The following XKR6 variants were observed in gnomAD, a reference collection of about 807,000 sequenced individuals.
XKR6 encodes the protein XK related 6.
XKR6 carries 22 observed loss-of-function variants against 56.7 expected under a neutral mutation model. The observed-to-expected ratio is 0.39, with a 90% CI of 0.28 to 0.55. XKR6 has a LOEUF of 0.55. Ranked by LOEUF, XKR6 falls within the 20% of genes least tolerant of loss-of-function variation. The probability of loss-of-function intolerance (pLI) is 0.66; values close to 1 mark genes in which losing one functional copy is unlikely to be tolerated. For synonymous variants in XKR6, 524 were observed against 387.8 expected (o/e 1.35, Z -4.13); for missense variants, 852 against 889.0 (o/e 0.96, Z 0.53).
intron 1 of XKR6, chr8:11,138,561 G>C (rs1019512651): frequency 6.6e-5 from 10 of 152,098 alleles, no homozygotes; most frequent in African/African-American, 2.4e-4. Flanking sequence ...TAATTAAGTG[G>C]AGAAACCATT....
chr8:11,054,809 G>T (rs539040994), intron 1 of XKR6, among the ~76,000 whole-genome samples: 20 of 152,176 alleles, frequency 1.3e-4, no homozygotes, highest in African/African-American at 4.8e-4. Context: ...GTGCTCACTG[G>T]GGCCCTGGGA....
chr8:11,069,768 A>G (rs1021825581), intron 1 of XKR6, among the ~76,000 whole-genome samples: 3 of 152,202 alleles, frequency 2.0e-5, no homozygotes, highest in Admixed American at 6.5e-5. Context: ...CCTTCAGTGC[A>G]CTACTGTGCA....
intron 1 of XKR6, among the ~76,000 whole-genome samples, chr8:11,177,509 A>G (rs1171013824): frequency 1.3e-5 from 2 of 152,248 alleles, no homozygotes; most frequent in Non-Finnish European, 2.9e-5. Flanking sequence ...CCAAAAATTC[A>G]GAACATGACC....
At chr8:11,071,735 T>A (rs949487561) in intron 1 of XKR6, among the ~76,000 whole-genome samples, 1 of 152,120 alleles carries the variant, frequency 6.6e-6, no homozygotes, top group Admixed American at 6.5e-5. Context: ...TTGTTTGTTA[T>A]GATGGTCTTA....
chr8:10,950,933 C>T (rs115203457), intron 1 of XKR6, among the ~76,000 whole-genome samples: 145 of 152,312 alleles, frequency 9.5e-4, no homozygotes, highest in African/African-American at 1.3e-3. Context: ...GGTGCAGAGA[C>T]GGCGAGTTAC....
chr8:10,978,531 G>A (rs1430142772), intron 1 of XKR6, among the ~76,000 whole-genome samples: 1 of 152,180 alleles, frequency 6.6e-6, no homozygotes, highest in Non-Finnish European at 1.5e-5. Context: ...TATCACTTGG[G>A]CTTTTTATTA....
intron 1 of XKR6, among the ~76,000 whole-genome samples, chr8:11,025,050 G>A (rs1051583751): frequency 6.6e-6 from 1 of 152,236 alleles, no homozygotes; most frequent in African/African-American, 2.4e-5. Context: ...GAGCAGTGAT[G>A]GGAACAAGGG....
At chr8:11,185,578 G>C (rs1018810887) in intron 1 of XKR6, among the ~76,000 whole-genome samples, 1 of 152,188 alleles carries the variant, frequency 6.6e-6, no homozygotes, top group Non-Finnish European at 1.5e-5. Context: ...AGAATCAGTA[G>C]TCACTTTTAG....
At chr8:11,093,408 C>T (rs1295317237) in intron 1 of XKR6, among the ~76,000 whole-genome samples, 1 of 152,138 alleles carries the variant, frequency 6.6e-6, no homozygotes, top group African/African-American at 2.4e-5. Context: ...TCACCCACTG[C>T]CCTTAGCACG....
intron 1 of XKR6, among the ~76,000 whole-genome samples, chr8:11,055,720 C>A (rs1001939414): frequency 2.0e-5 from 3 of 152,106 alleles, no homozygotes; most frequent in African/African-American, 7.2e-5. Flanking sequence ...GGCACATGGG[C>A]TTTCCAGAAT....
intron 1 of XKR6, among the ~76,000 whole-genome samples, chr8:11,110,424 T>G (rs1421466316): frequency 6.6e-6 from 1 of 152,220 alleles, no homozygotes; most frequent in Non-Finnish European, 1.5e-5. Flanking sequence ...TTATGAAAAC[T>G]TCTGCTATAC....
At position 11,200,746 on chromosome 8, in the gene XKR6, C is replaced by A. The variant is rs781533689; in HGVS notation, c.594G>T (p.Gly198=). The change falls in exon 1 of 3, where the codon GGG becomes GGT. Residue 198 remains glycine (G), a synonymous_variant. Transcript: ENST00000416569. The surrounding 1 kb of genome is among the most constrained non-coding windows in gnomAD (Gnocchi z 6.4). ...TCATGGGGGGGCCCCGGCTGGTGAG[C>A]CCCTCCACGGCGCCCAGCCCGCCGC... The part of the protein sequence containing the change: ...YTGGGLGAVE[G]LTSRGPPMMG... The A allele has an allele frequency of 3.1e-6, 5 of 1,595,442 alleles. No individual in the cohort carries two copies. In the East Asian group the frequency reaches 9.4e-5, roughly 30 times the overall value.
At chr8:11,127,544 G>T (rs756644203) in intron 1 of XKR6, among the ~76,000 whole-genome samples, 29 of 152,070 alleles carry the variant, frequency 1.9e-4, no homozygotes, top group Non-Finnish European at 2.9e-4. Flanking sequence ...CAGCTTCTAG[G>T]GACCACATAT....
In XKR6 at chr8:11,201,373, G is replaced by A. The variant is rs772197689; in HGVS notation, c.-34C>T. Reference sequence around the variant, plus strand: ...TCTTCCCAGCTCCGGAGGTTGGGGGGGAGGGACGGCGGGGGGGGGGGGAAG... The same window carrying A: ...TCTTCCCAGCTCCGGAGGTTGGGGGAGAGGGACGGCGGGGGGGGGGGGAAG... On this transcript the variant is annotated 5_prime_UTR_variant, in exon 1 of 3. Transcript: ENST00000416569. 1.6e-5 allele frequency: 23 copies of A among 1,407,588 alleles called. 1 individual carries two copies. The highest frequency in any genetic ancestry group is 2.0e-5 in the Non-Finnish European group (22 of 1,078,840). 87.2% of individuals were successfully genotyped at this position (1,407,588 alleles called of 1,614,324 possible).
intron 1 of XKR6, among the ~76,000 whole-genome samples, chr8:10,946,864 G>A (rs556506287): frequency 5.9e-5 from 9 of 152,280 alleles, no homozygotes; most frequent in African/African-American, 2.2e-4. Flanking sequence ...CAGAGGCACT[G>A]GAGCTGAGTG....
At chr8:10,950,696 G>A (rs776722108) in intron 1 of XKR6, among the ~76,000 whole-genome samples, 5 of 152,270 alleles carry the variant, frequency 3.3e-5, no homozygotes, top group African/African-American at 9.6e-5. Context: ...AACACATTCC[G>A]AAAAGAACTT....
At chr8:11,011,343 C>A (rs897734313) in intron 1 of XKR6, among the ~76,000 whole-genome samples, 3 of 152,234 alleles carry the variant, frequency 2.0e-5, no homozygotes, top group African/African-American at 7.2e-5. Context: ...GGGGAGGTGG[C>A]ATCCTGCTCT....
intron 2 of XKR6, among the ~76,000 whole-genome samples, chr8:10,921,079 C>T (rs1001337083): frequency 1.2e-4 from 18 of 152,254 alleles, no homozygotes; most frequent in Admixed American, 1.3e-4. Context: ...GGCAGCATGC[C>T]CAAGTGGCCC....
chr8:11,125,595 C>G (rs1799735997), intron 1 of XKR6, among the ~76,000 whole-genome samples: 1 of 152,194 alleles, frequency 6.6e-6, no homozygotes. Flanking sequence ...GACCTATACA[C>G]TCTAACTGAA....
Sources: gnomAD v4.1 joint callset for allele counts (sites outside exome capture counted in the v4.1 genomes callset) on GRCh38, gnomAD v4.1.1 for gene constraint, Gnocchi (gnomAD v3.1) non-coding constraint, MANE v1.5 for transcripts, NCBI Gene and HGNC (gene_info 2026-07-23, HGNC 2026-07-21) for gene names.